USP32: variants seen among roughly 807,000 people sequenced by gnomAD.
USP32 encodes the protein ubiquitin specific peptidase 32, also known as ubiquitin carboxyl-terminal hydrolase 32.
Under a neutral mutation model 204.8 loss-of-function variants are expected in USP32, and 59 were observed. The observed-to-expected ratio is 0.29, with a 90% CI of 0.23 to 0.36. The LOEUF is 0.36. Among genes scored for constraint, USP32 ranks in the 10% least tolerant of loss-of-function variants. The pLI is 1.00. For synonymous variants in USP32, 517 were observed against 678.4 expected, an observed-to-expected ratio of 0.76 and a Z score of 3.70; for missense variants, 1,160 against 1,946.4, an observed-to-expected ratio of 0.60 and a Z score of 7.60.
chr17:60,351,880 G>T (rs1452717766), intron 1 of USP32, among the ~76,000 whole-genome samples: 7 of 152,082 alleles, frequency 4.6e-5, no homozygotes, highest in Non-Finnish European at 7.3e-5. Context: ...GGTATTCAAT[G>T]GAGTTCCAAA....
intron 1 of USP32, among the ~76,000 whole-genome samples, chr17:60,360,231 T>C (rs940504008): frequency 6.6e-6 from 1 of 152,076 alleles, no homozygotes; most frequent in African/African-American, 2.4e-5. Context: ...TCCCAGCACT[T>C]TGGGATGCGA....
chr17:60,251,958 T>C (rs1255379380), intron 11 of USP32, among the ~76,000 whole-genome samples: 1 of 152,058 alleles, frequency 6.6e-6, no homozygotes, highest in Non-Finnish European at 1.5e-5. Context: ...TTCCCATTTT[T>C]ATATGAATTT....
chr17:60,235,296 T>G (rs576599144), intron 12 of USP32, among the ~76,000 whole-genome samples: 1 of 152,334 alleles, frequency 6.6e-6, no homozygotes, highest in South Asian at 2.1e-4. Flanking sequence ...TACCTACACA[T>G]ACCATCATTA....
intron 32 of USP32, among the ~76,000 whole-genome samples, chr17:60,181,018 G>A (rs2084097692): frequency 6.6e-6 from 1 of 151,912 alleles, no homozygotes; most frequent in Non-Finnish European, 1.5e-5. Context: ...AAGTAGCTGG[G>A]ACCACAGGCA....
At chr17:60,393,987 A>G (rs2089880160), upstream of USP32, among the ~76,000 whole-genome samples, 1 of 151,954 alleles carries the variant, frequency 6.6e-6, no homozygotes. Context: ...CCCCACCAAT[A>G]TTTCGTGTTT....
At chr17:60,214,559 C>T (rs527866081) in intron 17 of USP32, 61 bp downstream of exon 17, 1 of 1,532,136 alleles carries the variant, frequency 6.5e-7, no homozygotes, top group Non-Finnish European at 8.8e-7. Flanking sequence ...ATTTCTTTTA[C>T]TATTTAAAAT....
intron 11 of USP32, among the ~76,000 whole-genome samples, chr17:60,252,043 A>G (rs1397851931): frequency 6.6e-6 from 1 of 152,086 alleles, no homozygotes; most frequent in Non-Finnish European, 1.5e-5. Context: ...AATTATCTAT[A>G]AAATCTTTCT....
chr17:60,335,261 A>T (rs2088489215), intron 2 of USP32, among the ~76,000 whole-genome samples: 1 of 142,644 alleles, frequency 7.0e-6, no homozygotes, highest in South Asian at 2.1e-4. Context: ...GAACCACCAC[A>T]CCCGGCCCTC....
rs538855697 is a variant in USP32 at position 60,234,493 on chromosome 17, C to T, written c.1239+1645G>A. Reference sequence around the variant, plus strand: ...CTGTAATCCCAGCACTTCGGGAGGCCGAGGAGGGCAGATCACGAGGTCAGG... The same window carrying T: ...CTGTAATCCCAGCACTTCGGGAGGCTGAGGAGGGCAGATCACGAGGTCAGG... On this transcript the variant is annotated intron_variant, in intron 12 of 33. Coordinates refer to ENST00000300896, the MANE Select transcript of USP32 (RefSeq NM_032582.4). Among the ~76,000 whole-genome samples, 4 of 150,704 alleles carry T rather than the reference C, an allele frequency of 2.7e-5. No individual in the cohort carries two copies. The South Asian group carries it at 8.4e-4, about 32-fold the overall frequency.
At chr17:60,308,667 T>C (rs1292951987) in intron 2 of USP32, among the ~76,000 whole-genome samples, 2 of 152,172 alleles carry the variant, frequency 1.3e-5, no homozygotes, top group East Asian at 1.9e-4. Context: ...GTGGCTCATG[T>C]CTGGAATCCC....
intron 1 of USP32, among the ~76,000 whole-genome samples, chr17:60,413,592 G>A (rs941099922): frequency 2.6e-5 from 4 of 152,122 alleles, no homozygotes; most frequent in Admixed American, 6.5e-5. Flanking sequence ...CTGGCTGGGC[G>A]CAGTGGCTCA....
intron 30 of USP32, among the ~76,000 whole-genome samples, chr17:60,183,852 C>T (rs138282980): frequency 2.8e-4 from 43 of 152,302 alleles, no homozygotes; most frequent in African/African-American, 9.1e-4. Context: ...CACTGAATTG[C>T]AGTTACTGGT....
At position 60,419,657 on chromosome 17, in the gene USP32, C is replaced by T. The variant is rs574285828; in HGVS notation, c.106+2589G>A. Among the ~76,000 whole-genome samples, 3 of 149,264 alleles carry T rather than the reference C, an allele frequency of 2.0e-5. No individual in the cohort carries two copies. The South Asian group carries it at 6.5e-4, about 32-fold the overall frequency. Reference sequence around the variant, plus strand: ...CTGAGGCAAGAGAATGGCGTGAACCCGGGAGGCGGAGCTTGCAGTGAGCAG... The same window carrying T: ...CTGAGGCAAGAGAATGGCGTGAACCTGGGAGGCGGAGCTTGCAGTGAGCAG... On this transcript the variant is annotated intron_variant, in intron 1 of 3. Transcript: ENST00000588898.
chr17:60,191,859 C>T (rs1598039365), intron 28 of USP32, among the ~76,000 whole-genome samples: 2 of 152,122 alleles, frequency 1.3e-5, no homozygotes, highest in African/African-American at 2.4e-5. Context: ...TCTCTAAAGG[C>T]GGACTTTAGT....
intron 1 of USP32, among the ~76,000 whole-genome samples, chr17:60,346,816 G>A (rs891016943): frequency 6.6e-6 from 1 of 152,120 alleles, no homozygotes; most frequent in African/African-American, 2.4e-5. Context: ...AGGATATGCT[G>A]GTCAGAAATT....
At chr17:60,210,416 T>C (rs145524585) in intron 21 of USP32, among the ~76,000 whole-genome samples, 1 of 152,016 alleles carries the variant, frequency 6.6e-6, no homozygotes, top group Non-Finnish European at 1.5e-5. Context: ...GGTTCAAGCG[T>C]TTCTCGTGCC....
In USP32 at chr17:60,223,419, G is replaced by A; in HGVS notation, c.1600C>T (p.Pro534Ser). Residue 534 changes from proline to serine, a missense_variant, in exon 14 of 34, where the codon CCA becomes TCA. Pro to Ser is a moderately conservative substitution (Grantham distance 74, BLOSUM62 -1). Transcript: ENST00000300896. ...IDNQPLVTQE[P>S]VKATSLTLEG... ...GATGTAAAATTACTTACCTTTACTGGTTCTTGAGTTACTAATGGCTGATTA... is the reference window on the plus strand; with the variant it reads ...GATGTAAAATTACTTACCTTTACTGATTCTTGAGTTACTAATGGCTGATTA... The A allele has an allele frequency of 4.4e-6, 7 of 1,608,376 alleles. No homozygotes were observed. The highest frequency in any genetic ancestry group is 5.9e-6 in the Non-Finnish European group (7 of 1,178,552).
chr17:60,273,191 T>G (rs1036779207), intron 5 of USP32, among the ~76,000 whole-genome samples: 1 of 152,162 alleles, frequency 6.6e-6, no homozygotes, highest in African/African-American at 2.4e-5. Flanking sequence ...CAGGCTGGTC[T>G]CAAACTCCTG....
rs370048466 is a variant in USP32 at position 60,392,130 on chromosome 17, C to T, written c.-191G>A. The T allele has an allele frequency of 8.7e-6, 5 of 576,590 alleles. No individual in the cohort carries two copies. The highest frequency in any genetic ancestry group is 3.2e-5 in the East Asian group (1 of 31,260). 35.7% of individuals were successfully genotyped at this position (576,590 alleles called of 1,614,324 possible). A position where few individuals can be genotyped will look rare whatever the true frequency, so the allele number is the denominator to read the frequency against. On this transcript the variant is annotated 5_prime_UTR_variant, in exon 1 of 34. Transcript: ENST00000300896. ...CGCCGCCACCGCCTCCATGCCGGAT[C>T]ACGTGACTCTTCCGCCCCGCCCCCT...
Sources: allele counts gnomAD v4.1 joint callset (sites outside exome capture counted in the v4.1 genomes callset), GRCh38; gene constraint gnomAD v4.1.1; transcripts MANE v1.5; gene names NCBI Gene and HGNC (gene_info 2026-07-23, HGNC 2026-07-21).